DZIP1: variants seen among roughly 807,000 people sequenced by gnomAD.
The protein encoded by DZIP1 is DAZ interacting zinc finger protein 1, also known as cilium assembly protein DZIP1.
DZIP1 carries 97 observed loss-of-function variants against 107.6 expected under a neutral mutation model. That is an observed-to-expected ratio of 0.90 (90% CI 0.77 to 1.07). The LOEUF (loss-of-function observed/expected upper bound fraction) is 1.07. Among genes scored for constraint, DZIP1 ranks in the 50% least tolerant of loss-of-function variants. The pLI, the probability that DZIP1 is intolerant of heterozygous loss-of-function variation, is 0.00. For synonymous variants in DZIP1, 390 were observed against 386.4 expected, an observed-to-expected ratio of 1.01 and a Z score of -0.11; for missense variants, 1,035 against 1,063.6, an observed-to-expected ratio of 0.97 and a Z score of 0.37.
At chr13:95,610,519 GC>G (rs1436417205) in intron 12 of DZIP1, among the ~76,000 whole-genome samples, 1 of 151,924 alleles carries the variant, frequency 6.6e-6, no homozygotes, top group African/African-American at 2.4e-5. Context: ...TGTTGCCCAG[GC>G]TAGTCTCGAA....
chr13:95,612,288 G>T, intron 10 of DZIP1, 111 bp from the exon 11 acceptor site: 2 of 1,212,388 alleles, frequency 1.6e-6, no homozygotes, highest in Non-Finnish European at 2.3e-6. Flanking sequence ...GATGCTATCC[G>T]TGCGCATCAA....
chr13:95,613,977 T>G (rs890139869), intron 10 of DZIP1, among the ~76,000 whole-genome samples: 1 of 151,776 alleles, frequency 6.6e-6, no homozygotes, highest in Non-Finnish European at 1.5e-5. Context: ...TTTTAAAAAT[T>G]AAGCTAGGTG....
chr13:95,598,639 G>C (rs2044526872), intron 15 of DZIP1, among the ~76,000 whole-genome samples: 1 of 152,026 alleles, frequency 6.6e-6, no homozygotes, highest in Non-Finnish European at 1.5e-5. Flanking sequence ...TCCTAAAGAA[G>C]TGATATATGG....
chr13:95,624,766 A>G lies in DZIP1; in HGVS notation c.972+2T>C, dbSNP rs1397314763. 6.3e-7 allele frequency: 1 copy of G among 1,590,474 alleles called. No individual in the cohort carries two copies. Among genetic ancestry groups the G allele is most frequent in the Non-Finnish European group, 8.6e-7 (1 of 1,164,778 alleles). On this transcript the variant is annotated splice_donor_variant, in intron 8 of 22. Coordinates refer to ENST00000376829, the MANE Select transcript of DZIP1 (RefSeq NM_198968.4). LOFTEE classifies it high-confidence loss of function. ...ATAAGAACTTCTAGGTTTAATACTT[A>G]CATATTCTAATGCTGAATTCTTCGA... is the stretch of plus-strand genomic sequence containing the variant.
At chr13:95,642,929 C>T (rs1235153631) in intron 3 of DZIP1, 114 bp downstream of exon 3, 1 of 152,200 alleles carries the variant, frequency 6.6e-6, no homozygotes, top group African/African-American at 2.4e-5. Context: ...ATATGTAATA[C>T]TTCACCTGTC....
At chr13:95,585,869 G>T in intron 21 of DZIP1, 137 bp downstream of exon 21, 1 of 826,004 alleles carries the variant, frequency 1.2e-6, no homozygotes, top group Non-Finnish European at 1.8e-6. Context: ...GCAATACTGA[G>T]AACAAGAAAG....
intron 13 of DZIP1, among the ~76,000 whole-genome samples, chr13:95,607,384 C>T (rs1250643097): frequency 1.3e-5 from 2 of 152,056 alleles, no homozygotes. Context: ...TTTATCTTCA[C>T]AATGGCTTCT....
chr13:95,589,087 T>TA, intron 19 of DZIP1, 67 bp downstream of exon 19: 1 of 1,327,882 alleles, frequency 7.5e-7, no homozygotes, highest in East Asian at 2.3e-5. Flanking sequence ...CACGCTACTT[T>TA]AAAATGAAAG....
chr13:95,619,699 AG>A (rs1241088679), intron 10 of DZIP1, among the ~76,000 whole-genome samples, 185 bp downstream of exon 10: 1 of 152,070 alleles, frequency 6.6e-6, no homozygotes, highest in Non-Finnish European at 1.5e-5. Context: ...AAAAAAAAAA[AG>A]AAAACAAATT....
chr13:95,634,208 A>G (rs931726529), intron 5 of DZIP1, among the ~76,000 whole-genome samples: 5 of 152,126 alleles, frequency 3.3e-5, no homozygotes, highest in African/African-American at 1.2e-4. Flanking sequence ...CCCTCCTCCC[A>G]TGGCTGGCAC....
At chr13:95,607,318 A>AT (rs2044814034) in intron 13 of DZIP1, among the ~76,000 whole-genome samples, 2 of 152,322 alleles carry the variant, frequency 1.3e-5, no homozygotes, top group African/African-American at 4.8e-5. Flanking sequence ...AAGTGCTAGG[A>AT]TTACAGGCAT....
chr13:95,590,201 T>A (rs1216565220), intron 17 of DZIP1, 78 bp downstream of exon 17: 5 of 1,321,546 alleles, frequency 3.8e-6, no homozygotes, highest in Non-Finnish European at 5.2e-6. Context: ...TGTTTAATGA[T>A]ATCTTGTGGT....
Position 95,585,638 on chromosome 13 carries a change from T to C in DZIP1, c.2349+368A>G, listed in dbSNP as rs536611237. The stretch of plus-strand genomic sequence containing the variant: ...CCTCACTTCGGCTCCCAAGTGGAGC[T>C]AAACCCTCAAAAGTACCTAAGGTCT... On this transcript the variant is annotated intron_variant, in intron 21 of 22. Transcript: ENST00000376829. Among the ~76,000 whole-genome samples, 221 of 152,306 alleles carry C rather than the reference T, an allele frequency of 1.5e-3. 1 individual carries two copies. The highest frequency in any genetic ancestry group is 2.4e-3 in the Admixed American group (36 of 15,302).
chr13:95,630,204 A>G (rs1293163112), intron 6 of DZIP1, 91 bp from the exon 7 acceptor site: 4 of 1,419,796 alleles, frequency 2.8e-6, no homozygotes, highest in Non-Finnish European at 2.8e-6. Context: ...AACACGAAGG[A>G]AACTGTCCTC....
In DZIP1 at chr13:95,590,070, GGTT is replaced by G. The variant is rs141810803; in HGVS notation, c.1844-141_1844-139del. The G allele has an allele frequency of 2.8e-3, 3,546 of 1,251,894 alleles. 89 individuals are homozygous for G. The African/African-American group carries it at 0.049, about 17-fold the overall frequency. The allele number at this position is 1,251,894 out of a possible 1,614,324, so 77.5% of individuals were successfully genotyped here. The stretch of plus-strand genomic sequence containing the variant: ...TCTAGGGTTTAAAGCCAGACTCTAG[GGTT>G]GTTGTTTTGTTTTTACTGTAAAAAC... On this transcript the variant is annotated intron_variant, in intron 17 of 22. Coordinates refer to ENST00000376829, the MANE Select transcript of DZIP1 (RefSeq NM_198968.4).
In DZIP1 at chr13:95,633,333, A is replaced by G; in HGVS notation, c.598-12T>C. 1 of 1,608,846 alleles carries G rather than the reference A, an allele frequency of 6.2e-7. No individual in the cohort carries two copies. The highest frequency in any genetic ancestry group is 8.5e-7 in the Non-Finnish European group (1 of 1,175,358). Reference sequence around the variant, plus strand: ...TCACAAAAATGGCACTGAAAAGGAGAGAGCAACAAATCCAAGTGTCTGTAA... The same window carrying G: ...TCACAAAAATGGCACTGAAAAGGAGGGAGCAACAAATCCAAGTGTCTGTAA... On this transcript the variant is annotated splice_polypyrimidine_tract_variant and intron_variant, in intron 5 of 22. Transcript: ENST00000376829.
chr13:95,614,176 G>A (rs376453318), intron 10 of DZIP1, among the ~76,000 whole-genome samples: 13 of 149,042 alleles, frequency 8.7e-5, no homozygotes, highest in African/African-American at 3.0e-4. Flanking sequence ...GCACAGCCTT[G>A]CCTCTGAAAT....
In DZIP1 at chr13:95,605,448, A is replaced by T. The variant is rs370076377; in HGVS notation, c.1477+555T>A. Among the ~76,000 whole-genome samples, 5 of 152,370 alleles carry T rather than the reference A, an allele frequency of 3.3e-5. No individual in the cohort carries two copies. In the East Asian group the frequency reaches 7.7e-4, roughly 23 times the overall value. On this transcript the variant is annotated intron_variant, in intron 14 of 22. Transcript: ENST00000376829. ...TTCAGCCCATCTATTGGATCATGTT[A>T]ATAACAATTATCACCCTTTTGATCT...
chr13:95,580,926 T>C lies in DZIP1; in HGVS notation c.*1308A>G, dbSNP rs948527324. 1 of 152,232 alleles carries C rather than the reference T, an allele frequency of 6.6e-6. No homozygotes were observed. Among genetic ancestry groups the C allele is most frequent in the Non-Finnish European group, 1.5e-5 (1 of 68,050 alleles). The allele number at this position is 152,232 out of a possible 1,614,324, so 9.4% of individuals were successfully genotyped here. The stretch of plus-strand genomic sequence containing the variant: ...CTATAGGAAGTTGGAAGGATTCTTT[T>C]AGAGGGCAGGAATGGGCTACAAGTA... On this transcript the variant is annotated 3_prime_UTR_variant, in exon 23 of 23. Transcript: ENST00000376829.
Sources: allele counts gnomAD v4.1 joint callset (sites outside exome capture counted in the v4.1 genomes callset), GRCh38; gene constraint gnomAD v4.1.1; transcripts MANE v1.5; gene names NCBI Gene and HGNC (gene_info 2026-07-23, HGNC 2026-07-21).